Variants in GALNT13 observed in about 807,000 individuals in gnomAD.
The protein encoded by GALNT13 is UDP-GalNAc:polypeptide N-acetylgalactosaminyltransferase 13.
A neutral mutation model predicts 64.2 loss-of-function variants in GALNT13; 28 were observed. That is an observed-to-expected ratio of 0.44 (90% confidence interval 0.32 to 0.60). The LOEUF is 0.60. Among genes scored for constraint, GALNT13 ranks in the 20% least tolerant of loss-of-function variants. GALNT13 has a pLI of 0.05. For synonymous variants in GALNT13, 214 were observed against 224.6 expected (o/e 0.95, Z 0.42); for missense variants, 577 against 669.8 (o/e 0.86, Z 1.53).
chr2:154,408,460 A>T (rs1699650142), intron 10 of GALNT13, among the ~76,000 whole-genome samples: 1 of 152,090 alleles, frequency 6.6e-6, no homozygotes, highest in Admixed American at 6.6e-5. Context: ...GATGCATGAA[A>T]ATGTTTTACT....
At position 154,096,265 on chromosome 2, in the gene GALNT13, C is replaced by T. The variant is rs147272334; in HGVS notation, c.143-44072C>T. ...CATTACTGGTATTTGGTATTAGGTA[C>T]ATATCCACTCCTCTTCTGGCTTCTG... On this transcript the variant is annotated intron_variant, in intron 3 of 12. Coordinates refer to ENST00000392825, the MANE Select transcript of GALNT13 (RefSeq NM_052917.4). Among the ~76,000 whole-genome samples, 7 of 152,004 alleles carry T rather than the reference C, an allele frequency of 4.6e-5. No homozygotes were observed. The East Asian group carries it at 1.2e-3, about 25-fold the overall frequency.
the GALNT13 span, among the ~76,000 whole-genome samples, chr2:153,769,716 A>G: frequency 6.6e-6 from 1 of 152,186 alleles, no homozygotes; most frequent in Non-Finnish European, 1.5e-5. Flanking sequence ...TCTGGAATAC[A>G]TATAACTCAT....
At chr2:154,456,191 T>TTTGTTTTGTTG (rs1553537507), downstream of GALNT13, among the ~76,000 whole-genome samples, 1 of 146,294 alleles carries the variant, frequency 6.8e-6, no homozygotes, top group African/African-American at 2.5e-5. Flanking sequence ...TTTGTTTTGT[T>TTTGTTTTGTTG]TTGTTGTTGT....
At chr2:154,005,067 T>G (rs1696157231) in intron 3 of GALNT13, among the ~76,000 whole-genome samples, 3 of 152,232 alleles carry the variant, frequency 2.0e-5, no homozygotes, top group Admixed American at 1.3e-4. Context: ...ATGTTTCATT[T>G]TTCAAATTGA....
rs191901817 is a variant in GALNT13 at position 154,174,147 on chromosome 2, A to T, written c.311+33642A>T. On this transcript the variant is annotated intron_variant, in intron 4 of 12. Coordinates refer to ENST00000392825, the MANE Select transcript of GALNT13 (RefSeq NM_052917.4). ...ATGATTTTCTTGATTTGTTGTTTGC[A>T]AAGATAATTTAAGGTACATTAAAAT... Among the ~76,000 whole-genome samples, 132 of 152,286 alleles carry T rather than the reference A, an allele frequency of 8.7e-4. 2 individuals carry two copies. Among genetic ancestry groups the T allele is most frequent in the Non-Finnish European group, 3.2e-4 (22 of 67,996 alleles).
chr2:153,806,265 C>T, the GALNT13 span, among the ~76,000 whole-genome samples: 1 of 151,928 alleles, frequency 6.6e-6, no homozygotes, highest in East Asian at 1.9e-4. Flanking sequence ...CAGAAGGAGA[C>T]AATTTGAAGA....
chr2:154,202,313 T>A (rs1363586687), intron 4 of GALNT13, among the ~76,000 whole-genome samples: 1 of 152,144 alleles, frequency 6.6e-6, no homozygotes, highest in African/African-American at 2.4e-5. Context: ...TAATTACATA[T>A]AGTAAGTACT....
chr2:153,556,415 A>G, the GALNT13 span, among the ~76,000 whole-genome samples: 4 of 152,236 alleles, frequency 2.6e-5, no homozygotes, highest in African/African-American at 4.8e-5. Context: ...ACTATTAAAC[A>G]TATCTTTAAG....
chr2:154,341,086 T>A (rs376050228), intron 9 of GALNT13, among the ~76,000 whole-genome samples: 3 of 152,248 alleles, frequency 2.0e-5, no homozygotes, highest in African/African-American at 7.2e-5. Flanking sequence ...AAGTAACATA[T>A]CAAGGGCTAG....
At chr2:153,651,382 C>G in the GALNT13 span, among the ~76,000 whole-genome samples, 1 of 152,094 alleles carries the variant, frequency 6.6e-6, no homozygotes, top group South Asian at 2.1e-4. Context: ...TTATATGGAG[C>G]AACTGTTGTT....
At chr2:153,626,085 T>C in the GALNT13 span, among the ~76,000 whole-genome samples, 2 of 152,108 alleles carry the variant, frequency 1.3e-5, no homozygotes, top group African/African-American at 4.8e-5. Context: ...CTCCATACTG[T>C]AAGAGACACT....
the GALNT13 span, among the ~76,000 whole-genome samples, chr2:153,171,453 C>T: frequency 6.6e-6 from 1 of 152,004 alleles, no homozygotes; most frequent in Non-Finnish European, 1.5e-5. Context: ...CCACCAATAT[C>T]AAGGTACTCA....
intron 4 of GALNT13, among the ~76,000 whole-genome samples, chr2:154,187,256 A>G (rs1686302650): frequency 6.6e-6 from 1 of 152,058 alleles, no homozygotes; most frequent in African/African-American, 2.4e-5. Flanking sequence ...TTAGACACAT[A>G]AATGCACTTT....
At chr2:153,515,778 G>A in the GALNT13 span, among the ~76,000 whole-genome samples, 1 of 152,054 alleles carries the variant, frequency 6.6e-6, no homozygotes, top group African/African-American at 2.4e-5. Context: ...TCCAGAAGGT[G>A]TTCCCTGCTA....
chr2:154,155,846 G>T (rs576300314), intron 4 of GALNT13, among the ~76,000 whole-genome samples: 1 of 151,698 alleles, frequency 6.6e-6, no homozygotes. Context: ...AAAATAAGTT[G>T]CATTTTGTTA....
chr2:153,096,562 A>G, the GALNT13 span, among the ~76,000 whole-genome samples: 1 of 152,138 alleles, frequency 6.6e-6, no homozygotes, highest in Non-Finnish European at 1.5e-5. Context: ...TTGGTTGTAT[A>G]TTTAAAATTG....
chr2:153,330,175 T>C, the GALNT13 span, among the ~76,000 whole-genome samples: 31 of 152,254 alleles, frequency 2.0e-4, no homozygotes, highest in Non-Finnish European at 4.3e-4. Flanking sequence ...TTTTGGTTAC[T>C]GTAGCCTTAT....
At chr2:153,973,099 T>C (rs904962969) in intron 3 of GALNT13, among the ~76,000 whole-genome samples, 1 of 152,002 alleles carries the variant, frequency 6.6e-6, no homozygotes, top group Non-Finnish European at 1.5e-5. Flanking sequence ...GAGGGGTTAG[T>C]CGTTCATAGC....
chr2:153,398,530 G>T, the GALNT13 span, among the ~76,000 whole-genome samples: 2 of 151,864 alleles, frequency 1.3e-5, no homozygotes, highest in Admixed American at 6.6e-5. Flanking sequence ...CTAGTTTACA[G>T]TTCCACCAAC....
Sources: allele counts gnomAD v4.1 joint callset (sites outside exome capture counted in the v4.1 genomes callset), GRCh38; gene constraint gnomAD v4.1.1; transcripts MANE v1.5; gene names NCBI Gene and HGNC (gene_info 2026-07-23, HGNC 2026-07-21).